Variants in AK5 observed in about 807,000 individuals in gnomAD.
AK5 encodes the protein adenylate kinase 5.
AK5 carries 27 observed loss-of-function variants against 69.5 expected under a neutral mutation model. The observed-to-expected ratio is 0.39, with a 90% confidence interval of 0.29 to 0.54. AK5 has a LOEUF of 0.54. Among genes scored for constraint, AK5 ranks in the 20% least tolerant of loss-of-function variants. The pLI, the probability that AK5 is intolerant of heterozygous loss-of-function variation, is 0.71. For synonymous variants in AK5, 260 were observed against 244.4 expected, an observed-to-expected ratio of 1.06 and a Z score of -0.60; for missense variants, 531 against 700.4, an observed-to-expected ratio of 0.76 and a Z score of 2.73.
chr1:77,444,335 ATATATACACAATATATGTG>A lies in AK5; in HGVS notation c.1059+26627_1059+26645del, dbSNP rs1191318575. Among the ~76,000 whole-genome samples, 633 of 65,202 alleles carry A rather than the reference ATATATACACAATATATGTG, an allele frequency of 9.7e-3. 54 individuals are homozygous for A. Among genetic ancestry groups the A allele is most frequent in the Middle Eastern group, 0.032 (3 of 94 alleles). 42.8% of individuals were successfully genotyped at this position (65,202 alleles called of 152,430 possible). ...CACAATATATGTGTATATATATAGT[ATATATACACAATATATGTG>A]TATATATAGTATAAATATATACTAT... On this transcript the variant is annotated intron_variant, in intron 8 of 13. Transcript: ENST00000354567.
At chr1:77,386,667 T>C (rs1210047360) in intron 6 of AK5, among the ~76,000 whole-genome samples, 2 of 152,196 alleles carry the variant, frequency 1.3e-5, no homozygotes, top group Non-Finnish European at 2.9e-5. Context: ...CTGGAGTGTA[T>C]GATAAAAGCT....
chr1:77,376,632 T>A (rs146624334), intron 6 of AK5, among the ~76,000 whole-genome samples: 1 of 151,950 alleles, frequency 6.6e-6, no homozygotes, highest in South Asian at 2.1e-4. Flanking sequence ...AAAAGGGATA[T>A]GGATGAAATA....
At chr1:77,503,875 A>G (rs565851695) in intron 10 of AK5, among the ~76,000 whole-genome samples, 3 of 151,758 alleles carry the variant, frequency 2.0e-5, no homozygotes, top group Non-Finnish European at 4.4e-5. Flanking sequence ...ACTGTACTCC[A>G]GCCTGGGTGA....
In AK5 at chr1:77,290,502, T is replaced by C. The variant is rs556419988; in HGVS notation, c.248-3291T>C. ...AGTTAAAATATGATAAAGCAAGGATTAAATTATTGGCTGACTGTCTTTAAA... is the reference window on the plus strand; with the variant it reads ...AGTTAAAATATGATAAAGCAAGGATCAAATTATTGGCTGACTGTCTTTAAA... On this transcript the variant is annotated intron_variant, in intron 2 of 13. Coordinates refer to ENST00000354567, the MANE Select transcript of AK5 (RefSeq NM_174858.3). Among the ~76,000 whole-genome samples the C allele has an allele frequency of 2.0e-5, 3 of 152,338 alleles. 1 individual carries two copies. In the South Asian group the frequency reaches 6.2e-4, roughly 32 times the overall value.
At chr1:77,442,790 T>C (rs1417909744) in intron 8 of AK5, among the ~76,000 whole-genome samples, 1 of 152,226 alleles carries the variant, frequency 6.6e-6, no homozygotes, top group Non-Finnish European at 1.5e-5. Context: ...ATAATTATCC[T>C]TGGCTGCAAG....
At chr1:77,312,289 C>T (rs1328890827) in intron 5 of AK5, among the ~76,000 whole-genome samples, 1 of 152,122 alleles carries the variant, frequency 6.6e-6, no homozygotes, top group South Asian at 2.1e-4. Context: ...CCATAATCTT[C>T]TATCAACTCT....
intron 7 of AK5, among the ~76,000 whole-genome samples, chr1:77,412,364 T>C (rs533956872): frequency 1.3e-5 from 2 of 152,214 alleles, no homozygotes; most frequent in South Asian, 4.1e-4. Flanking sequence ...AGTTTCCAGG[T>C]GTCTACTTTC....
chr1:77,293,694 C>T (rs1404960358), intron 2 of AK5, 99 bp from the exon 3 acceptor site: 12 of 1,026,276 alleles, frequency 1.2e-5, no homozygotes, highest in African/African-American at 1.2e-4. Context: ...AAAAAACAAA[C>T]CCATTTAATT....
chr1:77,307,960 C>T (rs963351923), intron 5 of AK5, among the ~76,000 whole-genome samples: 1 of 152,126 alleles, frequency 6.6e-6, no homozygotes, highest in Non-Finnish European at 1.5e-5. Flanking sequence ...ACAAGAGGGA[C>T]GATGGTGGAG....
intron 8 of AK5, among the ~76,000 whole-genome samples, chr1:77,483,074 A>G (rs533092320): frequency 8.0e-4 from 119 of 148,038 alleles, no homozygotes; most frequent in African/African-American, 2.9e-3. Flanking sequence ...AGAAGAGAGC[A>G]TGTACTTGGG....
In AK5 at chr1:77,497,396, G is replaced by A. The variant is rs973151535; in HGVS notation, c.1147+11044G>A. On this transcript the variant is annotated intron_variant, in intron 10 of 13. Transcript: ENST00000354567. ...GAAGGAAGAAACTCCGGACACATCCGAACATGTGAAGGAACAAACTCCGGA... is the reference window on the plus strand; with the variant it reads ...GAAGGAAGAAACTCCGGACACATCCAAACATGTGAAGGAACAAACTCCGGA... 3.9e-5 allele frequency among the ~76,000 whole-genome samples: 6 copies of A among 152,218 alleles called. No individual in the cohort carries two copies. The South Asian group carries it at 6.2e-4, about 16-fold the overall frequency.
At chr1:77,429,198 A>G (rs1327557766) in intron 8 of AK5, among the ~76,000 whole-genome samples, 2 of 152,170 alleles carry the variant, frequency 1.3e-5, no homozygotes, top group African/African-American at 2.4e-5. Context: ...CAATGGTTGA[A>G]CTAGTTTACA....
chr1:77,514,032 C>T (rs1187417192), intron 10 of AK5, among the ~76,000 whole-genome samples: 1 of 152,178 alleles, frequency 6.6e-6, no homozygotes, highest in African/African-American at 2.4e-5. Flanking sequence ...CTGTCGAGAC[C>T]TGTAGGGAAA....
intron 6 of AK5, among the ~76,000 whole-genome samples, chr1:77,369,949 G>A (rs1347948942): frequency 6.6e-6 from 1 of 152,186 alleles, no homozygotes; most frequent in Non-Finnish European, 1.5e-5. Context: ...TTGCAATATG[G>A]CATTTGCTAT....
chr1:77,520,909 G>A (rs367667159), intron 11 of AK5, among the ~76,000 whole-genome samples: 5 of 152,134 alleles, frequency 3.3e-5, no homozygotes, highest in South Asian at 2.1e-4. Context: ...GAGAGCCCAC[G>A]AAAAGGGAAT....
chr1:77,312,791 T>C (rs2100297955), intron 5 of AK5, among the ~76,000 whole-genome samples: 1 of 152,100 alleles, frequency 6.6e-6, no homozygotes, highest in South Asian at 2.1e-4. Context: ...TTCCATCCAG[T>C]TTTTCTTCCA....
At chr1:77,475,543 T>TA (rs1654886246) in intron 8 of AK5, among the ~76,000 whole-genome samples, 3 of 106,040 alleles carry the variant, frequency 2.8e-5, no homozygotes, top group East Asian at 5.0e-4. Flanking sequence ...TACAAATATA[T>TA]ATTATATATA....
chr1:77,283,014 C>G (rs1389069881), intron 1 of AK5: 1 of 985,504 alleles, frequency 1.0e-6, no homozygotes, highest in Non-Finnish European at 1.2e-6. Flanking sequence ...GCAGGTTTCG[C>G]CAGTGCTCGA....
chr1:77,465,155 A>G (rs79489397), intron 8 of AK5, among the ~76,000 whole-genome samples: 3,255 of 152,266 alleles, frequency 0.021, 79 homozygotes, highest in East Asian at 0.11. Context: ...TTCCTGGGAT[A>G]TAGTTTTCTC....
Sources: allele counts gnomAD v4.1 joint callset (sites outside exome capture counted in the v4.1 genomes callset), GRCh38; gene constraint gnomAD v4.1.1; transcripts MANE v1.5; gene names NCBI Gene and HGNC (gene_info 2026-07-23, HGNC 2026-07-21).